The following BBX variants were observed in gnomAD, a reference collection of about 807,000 sequenced individuals.
BBX encodes the protein BBX high mobility group box domain containing.
A neutral mutation model predicts 100.2 loss-of-function variants in BBX; 30 were observed. That is an observed-to-expected ratio of 0.30 (90% CI 0.22 to 0.41). The LOEUF is 0.41. Among genes scored for constraint, BBX ranks in the 10% least tolerant of loss-of-function variants. The pLI, the probability that BBX is intolerant of heterozygous loss-of-function variation, is 1.00. For missense variants in BBX, 1,023 were observed against 1,129.8 expected, an observed-to-expected ratio of 0.91 and a Z score of 1.35; for synonymous variants, 376 against 388.1, an observed-to-expected ratio of 0.97 and a Z score of 0.37.
intron 10 of BBX, among the ~76,000 whole-genome samples, chr3:107,759,432 C>T (rs925649084): frequency 3.9e-5 from 6 of 152,072 alleles, no homozygotes; most frequent in East Asian, 1.9e-4. Context: ...TGTTTCCTTT[C>T]GTTTTGAAAT....
intron 1 of BBX, chr3:107,524,493 A>C (rs530271484): frequency 6.6e-6 from 1 of 152,018 alleles, no homozygotes; most frequent in East Asian, 1.9e-4. Flanking sequence ...TGTAATTTAC[A>C]AGGACCCTGA....
chr3:107,589,545 C>T (rs973287184), intron 2 of BBX, among the ~76,000 whole-genome samples: 6 of 152,072 alleles, frequency 3.9e-5, no homozygotes, highest in African/African-American at 7.2e-5. Context: ...TTAGCAGCAC[C>T]GGTTTAAGTG....
rs1289988418 is a variant in BBX at position 107,806,354 on chromosome 3, C to A, written c.*897C>A. The stretch of plus-strand genomic sequence containing the variant: ...TTGTTCATACAAACAAAAAAAAAGA[C>A]AAAAATATTATTCAGAAGTGACCTT... On this transcript the variant is annotated 3_prime_UTR_variant, in exon 18 of 18. Coordinates refer to ENST00000325805, the MANE Select transcript of BBX (RefSeq NM_001142568.3). 1 of 152,030 alleles carries A rather than the reference C, an allele frequency of 6.6e-6. No individual in the cohort carries two copies. Among genetic ancestry groups the A allele is most frequent in the African/African-American group, 2.4e-5 (1 of 41,368 alleles). 9.4% of individuals were successfully genotyped at this position (152,030 alleles called of 1,614,324 possible).
At chr3:107,583,246 A>C (rs759622786) in intron 2 of BBX, among the ~76,000 whole-genome samples, 1 of 152,030 alleles carries the variant, frequency 6.6e-6, no homozygotes, top group African/African-American at 2.4e-5. Flanking sequence ...TAAGAGTCTT[A>C]TAGTGAGCTT....
chr3:107,696,577 T>C (rs1409663929), intron 3 of BBX, among the ~76,000 whole-genome samples: 4 of 151,934 alleles, frequency 2.6e-5, no homozygotes, highest in Non-Finnish European at 5.9e-5. Flanking sequence ...GCTGTTAGTC[T>C]GATAGGCTTC....
rs918535760 is a variant in BBX, at chr3:107,548,744, C to T, written c.-84+22346C>T. ...CAAAGACGTGGAATCAACCTAGGTGCCCATCAACAGTGGATTGGATACAGC... is the reference window on the plus strand; with the variant it reads ...CAAAGACGTGGAATCAACCTAGGTGTCCATCAACAGTGGATTGGATACAGC... On this transcript the variant is annotated intron_variant, in intron 2 of 17. Transcript: ENST00000325805. Among the ~76,000 whole-genome samples the T allele has an allele frequency of 5.9e-5, 9 of 152,142 alleles. 1 individual carries two copies. Among genetic ancestry groups the T allele is most frequent in the Non-Finnish European group, 1.2e-4 (8 of 68,024 alleles).
At chr3:107,528,742 T>C (rs2107292438) in intron 2 of BBX, among the ~76,000 whole-genome samples, 1 of 152,340 alleles carries the variant, frequency 6.6e-6, no homozygotes, top group East Asian at 1.9e-4. Context: ...AAGTTTTCTG[T>C]ATGTTGTAAA....
chr3:107,691,243 A>C (rs776916213), intron 3 of BBX, among the ~76,000 whole-genome samples: 19 of 152,114 alleles, frequency 1.2e-4, no homozygotes, highest in Non-Finnish European at 2.8e-4. Flanking sequence ...AAAGGCGAGC[A>C]AATAATACAC....
chr3:107,625,472 C>T lies in BBX; in HGVS notation c.-83-20364C>T, dbSNP rs1474936778. Among the ~76,000 whole-genome samples the T allele has an allele frequency of 2.0e-5, 3 of 152,052 alleles. No homozygotes were observed. The East Asian group carries it at 5.8e-4, about 29-fold the overall frequency. On this transcript the variant is annotated intron_variant, in intron 2 of 17. Coordinates refer to ENST00000325805, the MANE Select transcript of BBX (RefSeq NM_001142568.3). The stretch of plus-strand genomic sequence containing the variant: ...TTTGTATTTTTATTAATAGTAGAGA[C>T]GGAGTTTTGCCATGTTGTCCAGGCT...
chr3:107,743,331 A>G (rs1011410984), intron 7 of BBX, among the ~76,000 whole-genome samples: 9 of 152,136 alleles, frequency 5.9e-5, no homozygotes, highest in Non-Finnish European at 8.8e-5. Context: ...GGAGTTCTCA[A>G]TTTTTTGTGG....
intron 3 of BBX, among the ~76,000 whole-genome samples, chr3:107,697,049 C>A (rs991969760): frequency 6.6e-6 from 1 of 151,810 alleles, no homozygotes; most frequent in Non-Finnish European, 1.5e-5. Flanking sequence ...TCAGCTCCAT[C>A]AGCTCCTTTA....
At chr3:107,682,510 A>G (rs1342692488) in intron 3 of BBX, among the ~76,000 whole-genome samples, 19 of 152,140 alleles carry the variant, frequency 1.2e-4, no homozygotes, top group Admixed American at 1.1e-3. Context: ...TTCTGATCAT[A>G]ATGGGGCAAT....
rs142400819 is a variant in BBX, at chr3:107,716,685, C to T, written c.241C>T (p.Arg81Trp). Residue 81 changes from arginine to tryptophan, a missense_variant, in exon 5 of 18, where the codon CGG becomes TGG. Coordinates refer to ENST00000325805, the MANE Select transcript of BBX (RefSeq NM_001142568.3). ...EDDESPEQRA[R>W]RPMNAFLLFC... is the part of the protein sequence containing the mutation. ...TGATGAATCACCAGAGCAGCGAGCC[C>T]GGAGACCAATGAATGCATTTCTTTT... 5,418 of 1,613,756 alleles carry T rather than the reference C, an allele frequency of 3.4e-3. 9 individuals carry two copies. The highest frequency in any genetic ancestry group is 4.6e-3 in the Admixed American group (275 of 59,958).
At chr3:107,598,889 AC>A (rs2053854164) in intron 2 of BBX, among the ~76,000 whole-genome samples, 1 of 152,164 alleles carries the variant, frequency 6.6e-6, no homozygotes, top group Admixed American at 6.5e-5. Flanking sequence ...CTTTCTCAAA[AC>A]AAAAATGCTT....
chr3:107,665,122 C>T (rs2058671994), intron 3 of BBX, among the ~76,000 whole-genome samples: 1 of 152,078 alleles, frequency 6.6e-6, no homozygotes, highest in Admixed American at 6.6e-5. Context: ...TGCAGTTTCC[C>T]AGGAAATATA....
At position 107,694,816 on chromosome 3, in the gene BBX, A is replaced by G. The variant is rs148887875; in HGVS notation, c.-9-15636A>G. 2.4e-3 allele frequency among the ~76,000 whole-genome samples: 364 copies of G among 151,232 alleles called. 10 individuals are homozygous for G. The highest frequency in any genetic ancestry group is 5.6e-3 in the African/African-American group (228 of 40,888). ...TCTGATATAATTCAGCTGTGAATCC[A>G]TCTGGTCCTGGACTCTTTTTGGTTG... On this transcript the variant is annotated intron_variant, in intron 3 of 17. Coordinates refer to ENST00000325805, the MANE Select transcript of BBX (RefSeq NM_001142568.3).
chr3:107,633,747 C>G (rs968328602), intron 2 of BBX, among the ~76,000 whole-genome samples: 1 of 152,190 alleles, frequency 6.6e-6, no homozygotes, highest in African/African-American at 2.4e-5. Context: ...GAAACATCTG[C>G]TTATTGATTT....
intron 2 of BBX, among the ~76,000 whole-genome samples, chr3:107,540,981 C>T (rs1242334131): frequency 6.6e-6 from 1 of 152,152 alleles, no homozygotes; most frequent in Non-Finnish European, 1.5e-5. Context: ...ACTTGAGCAT[C>T]ATCAGAGTTG....
intron 13 of BBX, among the ~76,000 whole-genome samples, chr3:107,784,141 A>C (rs887784886): frequency 3.3e-5 from 5 of 152,050 alleles, no homozygotes; most frequent in African/African-American, 1.2e-4. Context: ...TACTGCCATC[A>C]AGATTACATT....
Sources: gnomAD v4.1 joint callset for allele counts (sites outside exome capture counted in the v4.1 genomes callset) on GRCh38, gnomAD v4.1.1 for gene constraint, MANE v1.5 for transcripts, NCBI Gene and HGNC (gene_info 2026-07-23, HGNC 2026-07-21) for gene names.